NSMCE4A: variants seen among roughly 807,000 people sequenced by gnomAD.
NSMCE4A encodes the protein NSE4A component of SMC5/6 complex.
In NSMCE4A, 40 loss-of-function variants were observed where a neutral mutation model predicts 47.9. The ratio of observed to expected loss-of-function variants is 0.83; its 90% CI spans 0.65 to 1.09. NSMCE4A has a LOEUF of 1.09. Among genes scored for constraint, NSMCE4A ranks in the 50% least tolerant of loss-of-function variants. NSMCE4A has a pLI of 0.00. For synonymous variants in NSMCE4A, 166 were observed against 178.5 expected (o/e 0.93, Z 0.56); for missense variants, 500 against 507.0 (o/e 0.99, Z 0.13).
intron 2 of NSMCE4A, among the ~76,000 whole-genome samples, chr10:121,973,249 A>G (rs1269192323): frequency 6.6e-6 from 1 of 151,988 alleles, no homozygotes; most frequent in Non-Finnish European, 1.5e-5. Flanking sequence ...AAAAAAAAAA[A>G]AAAAAAGGAT....
At position 121,959,318 on chromosome 10, in the gene NSMCE4A, G is replaced by T. The variant is rs1475937646; in HGVS notation, c.*12+6C>A. 2 of 1,610,370 alleles carry T rather than the reference G, an allele frequency of 1.2e-6. No individual in the cohort carries two copies. The highest frequency in any genetic ancestry group is 1.7e-6 in the Non-Finnish European group (2 of 1,176,718). On this transcript the variant is annotated splice_donor_region_variant and intron_variant, in intron 10 of 10. Transcript: ENST00000369023. ...AACTGTGTAGCCATCCCATTGAAAA[G>T]GTTACCTTCAGCTAGCATCAAGCAC...
At chr10:121,957,422 CTTTTTTCTTTTTTTTTTTTT>C (rs1564988195) in intron 10 of NSMCE4A, among the ~76,000 whole-genome samples, 163 bp from the exon 11 acceptor site, 1 of 117,770 alleles carries the variant, frequency 8.5e-6, no homozygotes, top group African/African-American at 3.2e-5. Context: ...TTCCCTTCTT[CTTTTTTCTTTTTTTTTTTTT>C]TTTTTTTTGA....
chr10:121,963,440 T>TC, intron 5 of NSMCE4A, 112 bp from the exon 6 acceptor site: 1 of 631,586 alleles, frequency 1.6e-6, no homozygotes, highest in East Asian at 2.7e-5. Flanking sequence ...CGAACTCTTT[T>TC]TTTTTTTTGA....
Position 121,975,035 on chromosome 10 carries a change from C to T in NSMCE4A, c.131G>A (p.Arg44Gln), listed in dbSNP as rs1952791695. Residue 44 changes from arginine to glutamine, a missense_variant, in exon 1 of 11, where the codon CGG becomes CAG. Arg to Gln is a conservative substitution (Grantham distance 43). Coordinates refer to ENST00000369023, the MANE Select transcript of NSMCE4A (RefSeq NM_017615.3). The stretch of plus-strand genomic sequence containing the variant: ...GCGCTCTGGGGCCTCTCTGCGCTCC[C>T]GCGCAGAGCCGCGGCGGGACCTGGG... Reference protein sequence around the residue: ...LSPRSRRGSARERREAPERPS... With the variant: ...LSPRSRRGSAQERREAPERPS... 1.4e-6 allele frequency: 2 copies of T among 1,477,258 alleles called. No individual in the cohort carries two copies. Among genetic ancestry groups the T allele is most frequent in the Admixed American group, 2.5e-5 (1 of 39,292 alleles). 91.5% of individuals were successfully genotyped at this position (1,477,258 alleles called of 1,614,324 possible). A position where few individuals can be genotyped will look rare whatever the true frequency, so the allele number is the denominator to read the frequency against.
chr10:121,967,597 A>G, intron 4 of NSMCE4A, 58 bp downstream of exon 4: 1 of 1,546,260 alleles, frequency 6.5e-7, no homozygotes, highest in Non-Finnish European at 8.7e-7. Context: ...TCCCTACAAG[A>G]AAAAGCAATT....
At chr10:121,968,845 G>A (rs990299838) in intron 3 of NSMCE4A, among the ~76,000 whole-genome samples, 11 of 152,092 alleles carry the variant, frequency 7.2e-5, no homozygotes, top group East Asian at 5.8e-4. Flanking sequence ...CTTGCCGCCC[G>A]AACTACCACT....
chr10:121,959,175 T>C, intron 10 of NSMCE4A, 149 bp downstream of exon 10: 1 of 706,204 alleles, frequency 1.4e-6, no homozygotes. Flanking sequence ...AGAACCACTA[T>C]CCCTTTCTCA....
chr10:121,974,079 T>G lies in NSMCE4A; in HGVS notation c.295A>C (p.Asn99His), dbSNP rs569424180. The G allele has an allele frequency of 1.3e-6, 2 of 1,598,504 alleles. No individual in the cohort carries two copies. The highest frequency in any genetic ancestry group is 2.2e-5 in the South Asian group (2 of 89,176). The part of the protein sequence containing the change: ...YRALINSVQQ[N>H]REDILNAGDK... ...CCGGCATTCAGTATGTCCTCACGGT[T>G]TTCTATTTTTAAAAATACAAACTTT... Residue 99 changes from asparagine (N) to histidine (H), a missense_variant and splice_region_variant, in exon 2 of 11, where the codon AAC becomes CAC. By Grantham distance (68) the Asn-to-His change is moderately conservative (BLOSUM62 1). Transcript: ENST00000369023.
At chr10:121,970,476 GAAAAAAA>G (rs57421744) in intron 3 of NSMCE4A, among the ~76,000 whole-genome samples, 36,668 of 102,212 alleles carry the variant, frequency 0.36, 4,925 homozygotes, top group South Asian at 0.51. Flanking sequence ...TGTCTCAAAG[GAAAAAAA>G]AAAAAAAAAA....
chr10:121,974,542 A>G (rs1432258076), intron 1 of NSMCE4A: 1 of 1,012,392 alleles, frequency 9.9e-7, no homozygotes, highest in African/African-American at 1.7e-5. Context: ...CACGCCGAGG[A>G]CTGCCGGGCG....
At position 121,975,120 on chromosome 10, in the gene NSMCE4A, C is replaced by T. The variant is rs1436922791; in HGVS notation, c.46G>A (p.Gly16Ser). The T allele has an allele frequency of 1.4e-6, 2 of 1,419,286 alleles. No homozygotes were observed. Among genetic ancestry groups the T allele is most frequent in the African/African-American group, 3.0e-5 (2 of 65,866 alleles). The allele number at this position is 1,419,286 out of a possible 1,614,324, so 87.9% of individuals were successfully genotyped here. A position where few individuals can be genotyped will look rare whatever the true frequency, so the allele number is the denominator to read the frequency against. Reference sequence around the variant, plus strand: ...GTGCGATCCCGATGCGGGTCGCGGCCCCGGCCCCGGCCCTCTGGCCCGCGG... The same window carrying T: ...GTGCGATCCCGATGCGGGTCGCGGCTCCGGCCCCGGCCCTCTGGCCCGCGG... ...SGRGPEGRGR[G>S]RDPHRDRTRS... Residue 16 changes from glycine (G) to serine (S), a missense_variant, in exon 1 of 11, where the codon GGC becomes AGC. Coordinates refer to ENST00000369023, the MANE Select transcript of NSMCE4A (RefSeq NM_017615.3).
chr10:121,959,596 CTGTT>C lies in NSMCE4A; in HGVS notation c.989-5_989-2del, dbSNP rs1215260075. The C allele has an allele frequency of 6.2e-7, 1 of 1,610,348 alleles. No individual in the cohort carries two copies. The highest frequency in any genetic ancestry group is 8.5e-7 in the Non-Finnish European group (1 of 1,176,916). ...TTTTCTTCATTAATACTAACAGGCT[CTGTT>C]TGAAAGACAAATTTTTCAAATTTAT... On this transcript the variant is annotated splice_acceptor_variant and splice_polypyrimidine_tract_variant and intron_variant, in intron 8 of 10. Coordinates refer to ENST00000369023, the MANE Select transcript of NSMCE4A (RefSeq NM_017615.3). LOFTEE classifies it high-confidence loss of function.
chr10:121,963,288 T>C lies in NSMCE4A; in HGVS notation c.794A>G (p.Lys265Arg), dbSNP rs759694189. ...MEESHQEATEKEVERILGLLQ... is the reference protein window; with the variant it reads ...MEESHQEATEREVERILGLLQ... ...CAATCCCAAGATTCTTTCTACTTCT[T>C]TCTCTGTTGCTTCTTGATGAGATTC... Residue 265 changes from lysine (K) to arginine (R), a missense_variant, in exon 6 of 11, where the codon AAA becomes AGA. Lys to Arg is a conservative substitution (Grantham distance 26). Coordinates refer to ENST00000369023, the MANE Select transcript of NSMCE4A (RefSeq NM_017615.3). 12 of 1,612,336 alleles carry C rather than the reference T, an allele frequency of 7.4e-6. No individual in the cohort carries two copies. Among genetic ancestry groups the C allele is most frequent in the African/African-American group, 1.3e-5 (1 of 74,926 alleles).
chr10:121,967,587 T>A, intron 4 of NSMCE4A, 68 bp downstream of exon 4: 1 of 1,490,330 alleles, frequency 6.7e-7, no homozygotes, highest in South Asian at 1.3e-5. Flanking sequence ...ATAATCTTTG[T>A]CCCTACAAGA....
chr10:121,963,249 A>C lies in NSMCE4A; in HGVS notation c.833T>G (p.Phe278Cys). ...ERILGLLQTY[F>C]REDPDTPMSF... ...GGTGTTACACTTACGATCTTCTCGA[A>C]AATATGTCTGCAACAATCCCAAGAT... is the stretch of plus-strand genomic sequence containing the variant. The change falls in exon 6 of 11, where the codon TTT becomes TGT. Residue 278 changes from phenylalanine to cysteine, a missense_variant. Coordinates refer to ENST00000369023, the MANE Select transcript of NSMCE4A (RefSeq NM_017615.3). 6.2e-7 allele frequency: 1 copy of C among 1,606,236 alleles called. No individual in the cohort carries two copies. Among genetic ancestry groups the C allele is most frequent in the East Asian group, 2.2e-5 (1 of 44,836 alleles).
chr10:121,960,231 G>C lies in NSMCE4A; in HGVS notation c.988+127C>G. On this transcript the variant is annotated intron_variant, in intron 8 of 10. Coordinates refer to ENST00000369023, the MANE Select transcript of NSMCE4A (RefSeq NM_017615.3). The surrounding 1 kb of genome is among the most constrained non-coding windows in gnomAD (Gnocchi z 4.2). Reference sequence around the variant, plus strand: ...ATGTTTTCAGTATCTTCAGGTAGTTGAGCAAGATACAATATTGTAAAAGTT... The same window carrying C: ...ATGTTTTCAGTATCTTCAGGTAGTTCAGCAAGATACAATATTGTAAAAGTT... 1 of 598,310 alleles carries C rather than the reference G, an allele frequency of 1.7e-6. No homozygotes were observed. The highest frequency in any genetic ancestry group is 2.6e-6 in the Non-Finnish European group (1 of 380,672). 37.1% of individuals were successfully genotyped at this position (598,310 alleles called of 1,614,324 possible).
Position 121,962,430 on chromosome 10 carries a change from A to C in NSMCE4A, c.844+808T>G, listed in dbSNP as rs531691496. ...CGAGACTCTGTCTCAAAAAAAAAAA[A>C]AAGGAACTTAATCATCCATTAATGG... On this transcript the variant is annotated intron_variant, in intron 6 of 10. Coordinates refer to ENST00000369023, the MANE Select transcript of NSMCE4A (RefSeq NM_017615.3). 3.3e-4 allele frequency among the ~76,000 whole-genome samples: 50 copies of C among 151,912 alleles called. 1 individual carries two copies. Among genetic ancestry groups the C allele is most frequent in the African/African-American group, 6.3e-4 (26 of 41,458 alleles).
rs903210998 is a variant in NSMCE4A, at chr10:121,975,115, GCGGCCC to G, written c.45_50del (p.Gly16_Arg17del). ...AGCGGGTGCGATCCCGATGCGGGTC[GCGGCCC>G]CGGCCCCGGCCCTCTGGCCCGCGGC... On this transcript the variant is annotated inframe_deletion, in exon 1 of 11. Transcript: ENST00000369023. The G allele has an allele frequency of 4.0e-5, 57 of 1,427,734 alleles. No homozygotes were observed. The highest frequency in any genetic ancestry group is 6.0e-5 in the East Asian group (2 of 33,076). The allele number at this position is 1,427,734 out of a possible 1,614,324, so 88.4% of individuals were successfully genotyped here.
Position 121,970,476 on chromosome 10 carries a change from G to GAA in NSMCE4A, c.501+461_501+462dup, listed in dbSNP as rs57421744. Among the ~76,000 whole-genome samples, 289 of 101,850 alleles carry GAA rather than the reference G, an allele frequency of 2.8e-3. 1 individual carries two copies. The highest frequency in any genetic ancestry group is 4.0e-3 in the Non-Finnish European group (209 of 52,696). The allele number at this position is 101,850 out of a possible 152,430, so 66.8% of individuals were successfully genotyped here. A position where few individuals can be genotyped will look rare whatever the true frequency, so the allele number is the denominator to read the frequency against. On this transcript the variant is annotated intron_variant, in intron 3 of 10. Coordinates refer to ENST00000369023, the MANE Select transcript of NSMCE4A (RefSeq NM_017615.3). ...GACAGAGCGAGACTCTGTCTCAAAG[G>GAA]AAAAAAAAAAAAAAAAAAAAAAGCA...
Sources: gnomAD v4.1 joint callset for allele counts (sites outside exome capture counted in the v4.1 genomes callset) on GRCh38, gnomAD v4.1.1 for gene constraint, Gnocchi (gnomAD v3.1) non-coding constraint, MANE v1.5 for transcripts, NCBI Gene and HGNC (gene_info 2026-07-23, HGNC 2026-07-21) for gene names.